GABRA2: variants seen among roughly 807,000 people sequenced by gnomAD.
The protein encoded by GABRA2 is gamma-aminobutyric acid receptor subunit alpha-2.
In GABRA2, 16 loss-of-function variants were observed where a neutral mutation model predicts 48.7. That is an observed-to-expected ratio of 0.33 (90% CI 0.22 to 0.50). The LOEUF (loss-of-function observed/expected upper bound fraction) is 0.50, where lower values mean the gene tolerates loss of function less well. Among genes scored for constraint, GABRA2 ranks in the 20% least tolerant of loss-of-function variants. GABRA2 has a pLI of 0.98. For missense variants in GABRA2, 275 were observed against 535.6 expected (o/e 0.51, Z 4.80); for synonymous variants, 185 against 184.5 (o/e 1.00, Z -0.02).
At chr4:46,280,268 T>C (rs79889864) in intron 8 of GABRA2, among the ~76,000 whole-genome samples, 1,746 of 152,114 alleles carry the variant, frequency 0.011, 38 homozygotes, top group African/African-American at 0.041. Context: ...TTTGAGAAGA[T>C]GATAATTGAG....
chr4:46,377,486 C>T (rs1328012321), intron 3 of GABRA2, among the ~76,000 whole-genome samples: 1 of 124,242 alleles, frequency 8.0e-6, no homozygotes, highest in Non-Finnish European at 1.8e-5. Context: ...AAGTGAGGAG[C>T]CCCTCCGCCC....
chr4:46,347,971 A>G (rs1198486853), intron 3 of GABRA2, among the ~76,000 whole-genome samples: 1 of 152,096 alleles, frequency 6.6e-6, no homozygotes, highest in African/African-American at 2.4e-5. Flanking sequence ...AGAAACTACC[A>G]TCAGAGTGAA....
chr4:46,286,400 C>G (rs1334149892), intron 8 of GABRA2, among the ~76,000 whole-genome samples: 1 of 152,024 alleles, frequency 6.6e-6, no homozygotes, highest in Non-Finnish European at 1.5e-5. Flanking sequence ...AATAATGCTG[C>G]TGTAAACATC....
At chr4:46,272,336 A>G (rs1293172823) in intron 8 of GABRA2, among the ~76,000 whole-genome samples, 1 of 152,016 alleles carries the variant, frequency 6.6e-6, no homozygotes, top group Non-Finnish European at 1.5e-5. Context: ...GTTTTTTAAT[A>G]AATTAATAAA....
chr4:46,299,127 C>T (rs1204482133), intron 8 of GABRA2, among the ~76,000 whole-genome samples: 1 of 151,328 alleles, frequency 6.6e-6, no homozygotes, highest in Non-Finnish European at 1.5e-5. Flanking sequence ...ATAAATAGAT[C>T]ATAAGCATAT....
intron 8 of GABRA2, among the ~76,000 whole-genome samples, chr4:46,294,555 C>T (rs1724272952): frequency 1.3e-5 from 2 of 152,200 alleles, no homozygotes; most frequent in African/African-American, 4.8e-5. Context: ...GGGTCTGCAA[C>T]AGGTCCAGGC....
chr4:46,374,854 C>T (rs1364413379), intron 3 of GABRA2, among the ~76,000 whole-genome samples: 1 of 151,870 alleles, frequency 6.6e-6, no homozygotes, highest in Non-Finnish European at 1.5e-5. Flanking sequence ...AATGGCATCA[C>T]ACATATCCCT....
intron 9 of GABRA2, among the ~76,000 whole-genome samples, chr4:46,253,905 C>A (rs975392849): frequency 6.6e-6 from 1 of 151,416 alleles, no homozygotes; most frequent in African/African-American, 2.4e-5. Context: ...AAAGTAATAA[C>A]TGCAAATCTA....
intron 3 of GABRA2, among the ~76,000 whole-genome samples, chr4:46,382,433 T>C (rs1716883741): frequency 6.6e-6 from 1 of 151,878 alleles, no homozygotes; most frequent in Non-Finnish European, 1.5e-5. Context: ...ACTGAAGCGA[T>C]GTTAGCAAGA....
chr4:46,273,502 CATATAT>C (rs71637683), intron 8 of GABRA2, among the ~76,000 whole-genome samples: 66 of 48,134 alleles, frequency 1.4e-3, no homozygotes, highest in East Asian at 3.9e-3. Context: ...TATATATATG[CATATAT>C]ATATATATAT....
rs1463831362 is a variant in GABRA2, at chr4:46,365,266, T to G, written c.187+20808A>C. On this transcript the variant is annotated intron_variant, in intron 3 of 9. Transcript: ENST00000381620. The stretch of plus-strand genomic sequence containing the variant: ...ACTATTCCTTCTCATTTAATTCTAG[T>G]GTATGACAAGAAATACCATGAAATT... 3.9e-5 allele frequency: 6 copies of G among 152,132 alleles called. 1 individual carries two copies. The allele number at this position is 152,132 out of a possible 1,614,324, so 9.4% of individuals were successfully genotyped here. A position where few individuals can be genotyped will look rare whatever the true frequency, so the allele number is the denominator to read the frequency against.
chr4:46,364,298 T>A (rs1400187356), intron 3 of GABRA2: 2 of 152,250 alleles, frequency 1.3e-5, no homozygotes, highest in African/African-American at 4.8e-5. Context: ...AGGTGTAAAG[T>A]ACACTATGCC....
chr4:46,375,500 C>A (rs927704080), intron 3 of GABRA2, among the ~76,000 whole-genome samples: 2 of 152,038 alleles, frequency 1.3e-5, no homozygotes, highest in African/African-American at 4.8e-5. Flanking sequence ...CCGGAAGTTT[C>A]TATTGGAATT....
chr4:46,331,014 G>T (rs1195054948), intron 4 of GABRA2, among the ~76,000 whole-genome samples: 3 of 152,038 alleles, frequency 2.0e-5, no homozygotes, highest in Admixed American at 6.6e-5. Context: ...AAAACACATT[G>T]TCTCTGTCAT....
At chr4:46,366,741 T>C (rs1714103507) in intron 3 of GABRA2, 1 of 152,106 alleles carries the variant, frequency 6.6e-6, no homozygotes, top group Admixed American at 6.6e-5. Context: ...ATGATTCCAT[T>C]ATCTTATAAC....
intron 3 of GABRA2, among the ~76,000 whole-genome samples, chr4:46,339,648 T>G (rs924810654): frequency 6.6e-6 from 1 of 151,864 alleles, no homozygotes; most frequent in East Asian, 1.9e-4. Context: ...ATAAAGGAAC[T>G]TCTCCTGGAA....
chr4:46,330,583 T>TAGAGAGAG (rs1180886073), intron 4 of GABRA2, among the ~76,000 whole-genome samples: 10 of 108,134 alleles, frequency 9.2e-5, no homozygotes, highest in African/African-American at 3.1e-4. Flanking sequence ...TATATATATA[T>TAGAGAGAG]ATATATATAG....
chr4:46,365,397 T>G (rs1713882354), intron 3 of GABRA2: 1 of 152,176 alleles, frequency 6.6e-6, no homozygotes. Context: ...AAATAAAGAC[T>G]ATCAAACTCC....
intron 8 of GABRA2, among the ~76,000 whole-genome samples, chr4:46,277,802 G>A (rs937163525): frequency 2.6e-5 from 4 of 152,128 alleles, no homozygotes; most frequent in African/African-American, 9.7e-5. Flanking sequence ...ACGTCTAAAG[G>A]CAGCTGCTGC....
Sources: gnomAD v4.1 joint callset for allele counts (sites outside exome capture counted in the v4.1 genomes callset) on GRCh38, gnomAD v4.1.1 for gene constraint, MANE v1.5 for transcripts, NCBI Gene and HGNC (gene_info 2026-07-23, HGNC 2026-07-21) for gene names.